PPP2R2D: variants seen among roughly 807,000 people sequenced by gnomAD.
PPP2R2D encodes protein phosphatase 2 regulatory subunit Bdelta, also known as serine/threonine-protein phosphatase 2A 55 kDa regulatory subunit B delta isoform.
In PPP2R2D, 9 loss-of-function variants were observed where a neutral mutation model predicts 31.1. The ratio of observed to expected loss-of-function variants is 0.29; its 90% CI spans 0.17 to 0.51. PPP2R2D has a LOEUF of 0.51. PPP2R2D is among the 20% of genes least tolerant of loss of function. The probability of loss-of-function intolerance (pLI) is 0.98; values close to 1 mark genes in which losing one functional copy is unlikely to be tolerated. For synonymous variants in PPP2R2D, 179 were observed against 172.6 expected, an observed-to-expected ratio of 1.04 and a Z score of -0.29; for missense variants, 391 against 465.6, an observed-to-expected ratio of 0.84 and a Z score of 1.48.
intron 3 of PPP2R2D, chr10:131,935,151 G>T (rs561552567): frequency 4.6e-5 from 16 of 346,984 alleles, no homozygotes; most frequent in South Asian, 3.4e-4. Flanking sequence ...TTTCACTGAT[G>T]CCTTGCCAGC....
intron 2 of PPP2R2D, among the ~76,000 whole-genome samples, chr10:131,908,341 C>T (rs1310328145): frequency 1.3e-5 from 2 of 152,196 alleles, no homozygotes; most frequent in Non-Finnish European, 2.9e-5. Context: ...GCTGATCCTT[C>T]TAAATCCACC....
rs2036834546 is a variant in PPP2R2D, at chr10:131,957,764, C to CCAT, written c.*1802_*1803insATC. On this transcript the variant is annotated 3_prime_UTR_variant, in exon 9 of 9. Coordinates refer to ENST00000455566, the MANE Select transcript of PPP2R2D (RefSeq NM_018461.5). ...GGAGATGAAGGGGTGTGCCAATCCCCCGCGCCCCTGTGGAGATGGAGGCGT... is the reference window on the plus strand; with the variant it reads ...GGAGATGAAGGGGTGTGCCAATCCCCCATCGCGCCCCTGTGGAGATGGAGGCGT... The CCAT allele has an allele frequency of 6.4e-6, 1 of 155,622 alleles. No individual in the cohort carries two copies. Among genetic ancestry groups the CCAT allele is most frequent in the African/African-American group, 2.6e-5 (1 of 38,444 alleles). 9.6% of individuals were successfully genotyped at this position (155,622 alleles called of 1,614,324 possible). A position where few individuals can be genotyped will look rare whatever the true frequency, so the allele number is the denominator to read the frequency against.
chr10:131,912,403 T>C (rs1479525173), intron 2 of PPP2R2D: 1 of 152,238 alleles, frequency 6.6e-6, no homozygotes, highest in East Asian at 1.9e-4. Context: ...CCCAGGATGG[T>C]CTTGAACTCC....
intron 3 of PPP2R2D, 22 bp from the exon 4 acceptor site, chr10:131,940,009 C>T (rs782353241): frequency 1.5e-6 from 1 of 659,728 alleles, no homozygotes; most frequent in East Asian, 2.5e-5. Flanking sequence ...TTCATTAAAA[C>T]AGCTCTCATG....
chr10:131,970,500 C>T, the PPP2R2D span: 9 of 1,264,672 alleles, frequency 7.1e-6, no homozygotes, highest in Middle Eastern at 2.7e-4. The surrounding 1 kb of genome is among the most constrained non-coding windows in gnomAD (Gnocchi z 4.1). Context: ...TGAACAGTGA[C>T]TACGTGGGTG....
intron 2 of PPP2R2D, among the ~76,000 whole-genome samples, chr10:131,932,161 C>T (rs538943243): frequency 2.4e-4 from 37 of 152,190 alleles, no homozygotes; most frequent in Non-Finnish European, 4.3e-4. Context: ...TTGATGGGAC[C>T]CGGATGTTGA....
Position 131,945,943 on chromosome 10 carries a change from G to C in PPP2R2D, c.820+484G>C. 6.4e-6 allele frequency: 1 copy of C among 156,196 alleles called. No individual in the cohort carries two copies. Among genetic ancestry groups the C allele is most frequent in the Admixed American group, 6.1e-5 (1 of 16,290 alleles). The allele number at this position is 156,196 out of a possible 1,614,324, so 9.7% of individuals were successfully genotyped here. On this transcript the variant is annotated intron_variant, in intron 7 of 8. Transcript: ENST00000455566. This position sits in a 1 kb window ranked among gnomAD's most constrained non-coding sequence, Gnocchi z 4.8. ...GAACTCGAGGTCATGCTTCCCACAG[G>C]CTTATGGCTGTAGGGTGAGTGTGCT...
At chr10:131,970,784 C>A in the PPP2R2D span, 10 of 1,614,096 alleles carry the variant, frequency 6.2e-6, no homozygotes, top group South Asian at 1.1e-4. This position sits in a 1 kb window ranked among gnomAD's most constrained non-coding sequence, Gnocchi z 4.1. Flanking sequence ...TAAAGAGGAA[C>A]TCCCTGAGGC....
chr10:131,917,764 C>T (rs1474895924), intron 2 of PPP2R2D, among the ~76,000 whole-genome samples: 5 of 92,860 alleles, frequency 5.4e-5, no homozygotes, highest in African/African-American at 1.3e-4. Context: ...GGACCTCAGG[C>T]GGGTGGAATG....
chr10:131,945,173 T>C lies in PPP2R2D; in HGVS notation c.656-122T>C, dbSNP rs2036512259. 2 of 1,172,706 alleles carry C rather than the reference T, an allele frequency of 1.7e-6. No individual in the cohort carries two copies. Among genetic ancestry groups the C allele is most frequent in the East Asian group, 5.3e-5 (2 of 37,744 alleles). The allele number at this position is 1,172,706 out of a possible 1,614,324, so 72.6% of individuals were successfully genotyped here. On this transcript the variant is annotated intron_variant, in intron 6 of 8. Transcript: ENST00000455566. This position sits in a 1 kb window ranked among gnomAD's most constrained non-coding sequence, Gnocchi z 4.8. ...AATTCGGGATGTGTAACCAGCCTTCTTAATAGCTAATCCCTTAAACCTCAC... is the reference window on the plus strand; with the variant it reads ...AATTCGGGATGTGTAACCAGCCTTCCTAATAGCTAATCCCTTAAACCTCAC...
At chr10:131,925,473 C>G (rs1050504878) in intron 2 of PPP2R2D, among the ~76,000 whole-genome samples, 15 of 152,136 alleles carry the variant, frequency 9.9e-5, no homozygotes, top group Non-Finnish European at 1.5e-4. Context: ...GTTAAACCAA[C>G]CTTGCATTCC....
At chr10:131,941,799 G>T (rs1258763925) in intron 5 of PPP2R2D, among the ~76,000 whole-genome samples, 1 of 152,186 alleles carries the variant, frequency 6.6e-6, no homozygotes, top group Non-Finnish European at 1.5e-5. Context: ...ACCTGGGGTT[G>T]TGCATTCCTC....
At chr10:131,960,654 G>T (rs1455893360), downstream of PPP2R2D, among the ~76,000 whole-genome samples, 1 of 152,178 alleles carries the variant, frequency 6.6e-6, no homozygotes, top group African/African-American at 2.4e-5. Context: ...GCTGGCCCTG[G>T]ATCCGCCTGG....
At chr10:131,916,400 T>C (rs1471063361) in intron 2 of PPP2R2D, among the ~76,000 whole-genome samples, 1 of 152,076 alleles carries the variant, frequency 6.6e-6, no homozygotes, top group Admixed American at 6.6e-5. Flanking sequence ...ATAATATTTA[T>C]CATTTTAGCC....
intron 2 of PPP2R2D, among the ~76,000 whole-genome samples, chr10:131,925,985 C>G (rs1352325876): frequency 6.6e-6 from 1 of 152,198 alleles, no homozygotes; most frequent in Non-Finnish European, 1.5e-5. Context: ...ATTTCCCTTA[C>G]TGGGCATGTG....
chr10:131,918,404 G>A (rs1286977242), intron 2 of PPP2R2D, among the ~76,000 whole-genome samples: 1 of 148,230 alleles, frequency 6.7e-6, no homozygotes, highest in East Asian at 2.1e-4. Context: ...ATGACACAAT[G>A]TAGGGATCTC....
chr10:131,942,432 G>A (rs2119867202), intron 5 of PPP2R2D, among the ~76,000 whole-genome samples: 1 of 152,318 alleles, frequency 6.6e-6, no homozygotes, highest in African/African-American at 2.4e-5. Context: ...ACTTAGGTCG[G>A]TATTTGAGAT....
At chr10:131,948,358 C>T (rs1245911062) in intron 8 of PPP2R2D, among the ~76,000 whole-genome samples, 1 of 151,942 alleles carries the variant, frequency 6.6e-6, no homozygotes, top group Non-Finnish European at 1.5e-5. Context: ...TTTTATTATG[C>T]AAAAAGTTAC....
intron 2 of PPP2R2D, among the ~76,000 whole-genome samples, chr10:131,904,835 G>A (rs2035557321): frequency 6.6e-6 from 1 of 152,194 alleles, no homozygotes; most frequent in Non-Finnish European, 1.5e-5. Flanking sequence ...TCCTGACTTT[G>A]GAGGTCATGA....
Sources: allele counts gnomAD v4.1 joint callset (sites outside exome capture counted in the v4.1 genomes callset), GRCh38; gene constraint gnomAD v4.1.1; non-coding constraint Gnocchi (gnomAD v3.1); transcripts MANE v1.5; gene names NCBI Gene and HGNC (gene_info 2026-07-23, HGNC 2026-07-21).